Variants in LINC00632 observed in about 807,000 individuals in gnomAD.
LINC00632 encodes ALDOA related specific transcript.
At chrX:140,716,296 A>G (rs1038208289) in intron 2 of LINC00632, 1 of 111,873 alleles carries the variant, frequency 8.9e-6, no homozygotes. Context: ...TTGGGTAAGT[A>G]TATTTCTTTG....
exon 5 of LINC00632, among the ~76,000 whole-genome samples, chrX:140,790,411 G>C (rs1932090928): frequency 9.0e-6 from 1 of 110,753 alleles, no homozygotes; most frequent in Admixed American, 9.7e-5. Context: ...CTGTTCAACT[G>C]ATAATATTTC....
intron 3 of LINC00632, among the ~76,000 whole-genome samples, chrX:140,758,440 C>T (rs1931531592): frequency 2.0e-5 from 2 of 99,479 alleles, no homozygotes; most frequent in South Asian, 9.6e-4. Context: ...ATAGTGTGAT[C>T]TCAGCTCACT....
chrX:140,789,772 C>G (rs189030497), exon 5 of LINC00632, among the ~76,000 whole-genome samples: 2 of 110,741 alleles, frequency 1.8e-5, no homozygotes, highest in Non-Finnish European at 3.8e-5. Flanking sequence ...TGTTTGTATC[C>G]TTTACCTATT....
At chrX:140,711,621 GA>G in exon 2 of LINC00632, 1 of 316,708 alleles carries the variant, frequency 3.2e-6, no homozygotes, top group Non-Finnish European at 6.3e-6. Flanking sequence ...TTCTCCCTAG[GA>G]AAAATTCGTA....
exon 5 of LINC00632, among the ~76,000 whole-genome samples, chrX:140,778,157 T>C (rs939521689): frequency 1.9e-4 from 21 of 112,801 alleles, no homozygotes; most frequent in Non-Finnish European, 3.6e-4. Context: ...ATTTTGTATC[T>C]ATTGTTTCCA....
At chrX:140,756,776 A>G (rs1054989605) in intron 3 of LINC00632, among the ~76,000 whole-genome samples, 1 of 109,062 alleles carries the variant, frequency 9.2e-6, no homozygotes, top group African/African-American at 3.4e-5. Flanking sequence ...TCCAAGAAAC[A>G]TTTTTTTTTT....
chrX:140,765,064 G>A (rs936271385), intron 3 of LINC00632, among the ~76,000 whole-genome samples: 1 of 111,511 alleles, frequency 9.0e-6, no homozygotes, highest in East Asian at 2.8e-4. Context: ...CCAAAATTCC[G>A]CAAGAAGCTA....
chrX:140,714,953 G>A (rs1930598640), intron 2 of LINC00632: 1 of 110,388 alleles, frequency 9.1e-6, no homozygotes, highest in African/African-American at 3.3e-5. Flanking sequence ...ACCACACAAT[G>A]CATGCTGTGT....
intron 2 of LINC00632, chrX:140,712,339 C>T (rs1468363011): frequency 4.7e-5 from 5 of 105,864 alleles, no homozygotes; most frequent in African/African-American, 1.7e-4. Flanking sequence ...TCCTCTTAGG[C>T]GCACCTGATA....
At chrX:140,783,291 A>G (rs1931960290) in exon 5 of LINC00632, 2 of 317,009 alleles carry the variant, frequency 6.3e-6, no homozygotes, top group East Asian at 5.2e-5. Context: ...GAAAATCCAC[A>G]TCTTCCAGAC....
chrX:140,726,792 A>G (rs1430225949), intron 2 of LINC00632, among the ~76,000 whole-genome samples: 2 of 111,960 alleles, frequency 1.8e-5, no homozygotes, highest in Non-Finnish European at 3.8e-5. Flanking sequence ...TCTCAGAACC[A>G]TGAAGTATTG....
At chrX:140,743,918 C>T (rs1019323423) in intron 3 of LINC00632, among the ~76,000 whole-genome samples, 2 of 111,153 alleles carry the variant, frequency 1.8e-5, no homozygotes, top group Admixed American at 1.9e-4. Context: ...GTTTCTTGTA[C>T]GTGCAGAAAG....
At chrX:140,738,846 A>G (rs1207493566) in intron 3 of LINC00632, among the ~76,000 whole-genome samples, 1 of 112,207 alleles carries the variant, frequency 8.9e-6, no homozygotes, top group Non-Finnish European at 1.9e-5. Context: ...CTCACATTGT[A>G]TATATTATAT....
At chrX:140,788,576 T>C (rs1295944887) in exon 5 of LINC00632, among the ~76,000 whole-genome samples, 5 of 109,847 alleles carry the variant, frequency 4.6e-5, no homozygotes, top group Admixed American at 9.8e-5. Flanking sequence ...TTTATGTTAA[T>C]GTGTTTTTAT....
At chrX:140,751,153 G>C (rs1033949998) in intron 3 of LINC00632, among the ~76,000 whole-genome samples, 1 of 111,390 alleles carries the variant, frequency 9.0e-6, no homozygotes, top group African/African-American at 3.3e-5. Context: ...TTGTGGGATT[G>C]TTGGATCAAA....
exon 5 of LINC00632, among the ~76,000 whole-genome samples, chrX:140,777,035 C>T (rs1301820094): frequency 1.9e-5 from 2 of 106,117 alleles, no homozygotes; most frequent in Non-Finnish European, 3.8e-5. Context: ...CAAACTAACA[C>T]AGGAACAGAG....
chrX:140,788,499 G>A (rs1932051347), exon 5 of LINC00632, among the ~76,000 whole-genome samples: 1 of 108,821 alleles, frequency 9.2e-6, no homozygotes, highest in Non-Finnish European at 1.9e-5. Context: ...ATTCTCTTTT[G>A]GTTCTTTGCT....
intron 3 of LINC00632, among the ~76,000 whole-genome samples, chrX:140,744,591 A>G: frequency 7.9e-5 from 6 of 76,291 alleles, no homozygotes; most frequent in Admixed American, 1.6e-4. Context: ...GGGGGAGGAG[A>G]TGGAGTCTTG....
chrX:140,789,039 CTAATCCTATCT>C (rs1036107174), exon 5 of LINC00632, among the ~76,000 whole-genome samples: 2 of 107,674 alleles, frequency 1.9e-5, no homozygotes, highest in African/African-American at 6.7e-5. Flanking sequence ...TATCCTTCTC[CTAATCCTATCT>C]ATCTCCCAGA....
Sources: allele counts gnomAD v4.1 joint callset (sites outside exome capture counted in the v4.1 genomes callset), GRCh38; gene constraint gnomAD v4.1.1; transcripts MANE v1.5; gene names NCBI Gene and HGNC (gene_info 2026-07-23, HGNC 2026-07-21).